The following MAGI2 variants were observed in gnomAD, a reference collection of about 807,000 sequenced individuals.
MAGI2 encodes the protein membrane-associated guanylate kinase, WW and PDZ domain-containing protein 2.
Under a neutral mutation model 133.3 loss-of-function variants are expected in MAGI2, and 35 were observed. That is an observed-to-expected ratio of 0.26 (90% CI 0.20 to 0.35). The LOEUF is 0.35. Ranked by LOEUF, MAGI2 falls within the 10% of genes least tolerant of loss-of-function variation. MAGI2 has a pLI of 1.00. For missense variants in MAGI2, 1,636 were observed against 1,863.4 expected, an observed-to-expected ratio of 0.88 and a Z score of 2.25; for synonymous variants, 729 against 710.6, an observed-to-expected ratio of 1.03 and a Z score of -0.41.
At position 79,205,846 on chromosome 7, in the gene MAGI2, A is replaced by C. The variant is rs138813514; in HGVS notation, c.302-198640T>G. 3.6e-4 allele frequency among the ~76,000 whole-genome samples: 54 copies of C among 151,848 alleles called. 1 individual carries two copies. The East Asian group carries it at 9.7e-3, about 27-fold the overall frequency. On this transcript the variant is annotated intron_variant, in intron 1 of 21. Transcript: ENST00000354212. ...ACTATAAGATGATTTTGTAAGCTTC[A>C]TAATAACCACAACACCAAAACCTAG...
chr7:78,972,476 A>G (rs1353894170), intron 2 of MAGI2, among the ~76,000 whole-genome samples: 2 of 151,910 alleles, frequency 1.3e-5, no homozygotes, highest in Admixed American at 6.6e-5. Flanking sequence ...AAACTAAAAC[A>G]TTAGATTTTG....
rs560535366 is a variant in MAGI2, at chr7:78,471,266, A to G, written c.1045+18495T>C. On this transcript the variant is annotated intron_variant, in intron 6 of 21. Transcript: ENST00000354212. The stretch of plus-strand genomic sequence containing the variant: ...AAAGTGGAGTGAGACATGAGAAGAA[A>G]AGTCTGATGTGAATGGAGCTATATT... Among the ~76,000 whole-genome samples the G allele has an allele frequency of 1.6e-4, 24 of 152,246 alleles. No individual in the cohort carries two copies. The South Asian group carries it at 4.8e-3, about 30-fold the overall frequency.
At chr7:78,448,060 T>C (rs1272460240) in intron 6 of MAGI2, among the ~76,000 whole-genome samples, 1 of 152,140 alleles carries the variant, frequency 6.6e-6, no homozygotes, top group Non-Finnish European at 1.5e-5. Context: ...TTTAACATAA[T>C]GCCCTCCAGT....
In MAGI2 at chr7:78,557,080, C is replaced by CAAAAAAAAAAAAAAAAAAAAAAAAAAAAA. The variant is rs796371005; in HGVS notation, c.539-35436_539-35435insTTTTTTTTTTTTTTTTTTTTTTTTTTTTT. On this transcript the variant is annotated intron_variant, in intron 3 of 21. Transcript: ENST00000354212. ...TACTCCAGCCTGGGTGGCAGAGTCTCAAAAAAAAAAAAAAAAAAAAGAAAA... is the reference window on the plus strand; with the variant it reads ...TACTCCAGCCTGGGTGGCAGAGTCTCAAAAAAAAAAAAAAAAAAAAAAAAAAAAAAAAAAAAAAAAAAAAAAAAAGAAAA... Among the ~76,000 whole-genome samples the CAAAAAAAAAAAAAAAAAAAAAAAAAAAAA allele has an allele frequency of 8.8e-4, 36 of 40,888 alleles. 1 individual carries two copies. Among genetic ancestry groups the CAAAAAAAAAAAAAAAAAAAAAAAAAAAAA allele is most frequent in the Non-Finnish European group, 1.3e-3 (29 of 22,898 alleles). The allele number at this position is 40,888 out of a possible 152,430, so 26.8% of individuals were successfully genotyped here.
chr7:78,195,174 G>T, intron 11 of MAGI2, 111 bp from the exon 12 acceptor site: 1 of 789,716 alleles, frequency 1.3e-6, no homozygotes, highest in Non-Finnish European at 1.9e-6. Flanking sequence ...TCCAGGGGAT[G>T]GGTAAAACTT....
chr7:78,819,832 T>G (rs536775049), intron 2 of MAGI2, among the ~76,000 whole-genome samples: 7 of 152,152 alleles, frequency 4.6e-5, no homozygotes, highest in Admixed American at 3.9e-4. Context: ...ACAAAAAAAT[T>G]TAATAGGCTT....
chr7:78,134,999 C>T (rs373411482), intron 17 of MAGI2, 22 bp downstream of exon 17: 1 of 1,608,414 alleles, frequency 6.2e-7, no homozygotes, highest in Non-Finnish European at 8.5e-7. Flanking sequence ...CGCCTCTCTG[C>T]AAGGCTGCCT....
intron 3 of MAGI2, among the ~76,000 whole-genome samples, chr7:78,602,832 G>A (rs1805355842): frequency 1.3e-5 from 2 of 152,112 alleles, no homozygotes; most frequent in Admixed American, 1.3e-4. Flanking sequence ...AAATAGGCCA[G>A]AAACCATTTT....
At chr7:79,014,196 TA>T (rs1473297615) in intron 1 of MAGI2, among the ~76,000 whole-genome samples, 1 of 152,222 alleles carries the variant, frequency 6.6e-6, no homozygotes, top group East Asian at 1.9e-4. Flanking sequence ...ATAGCTTTTT[TA>T]TTATTTCCTT....
intron 2 of MAGI2, among the ~76,000 whole-genome samples, chr7:78,881,337 A>G (rs529168557): frequency 1.3e-5 from 2 of 151,610 alleles, no homozygotes; most frequent in South Asian, 2.1e-4. Flanking sequence ...GCAAGTCTCA[A>G]TAAATTTTAA....
chr7:79,152,742 G>A (rs767644271), intron 1 of MAGI2, among the ~76,000 whole-genome samples: 16 of 152,148 alleles, frequency 1.1e-4, no homozygotes, highest in Non-Finnish European at 1.9e-4. Context: ...ACAGGTTGGG[G>A]ATTTAGAGGT....
intron 5 of MAGI2, among the ~76,000 whole-genome samples, chr7:78,494,931 A>G (rs1793949483): frequency 6.6e-6 from 1 of 152,190 alleles, no homozygotes; most frequent in Admixed American, 6.5e-5. Flanking sequence ...GAATAACAAG[A>G]GATTAAAGCC....
chr7:78,778,788 A>G (rs1291787190), intron 2 of MAGI2, among the ~76,000 whole-genome samples: 1 of 152,210 alleles, frequency 6.6e-6, no homozygotes, highest in Non-Finnish European at 1.5e-5. Context: ...TGTAAAATAG[A>G]AAATACAATA....
chr7:79,077,969 G>A (rs1815686981), intron 1 of MAGI2, among the ~76,000 whole-genome samples: 2 of 152,088 alleles, frequency 1.3e-5, no homozygotes, highest in African/African-American at 2.4e-5. Flanking sequence ...GGGACAAAAT[G>A]TAGTATCAAT....
At chr7:78,667,888 T>C (rs1813822881) in intron 2 of MAGI2, among the ~76,000 whole-genome samples, 1 of 152,188 alleles carries the variant, frequency 6.6e-6, no homozygotes, top group Non-Finnish European at 1.5e-5. Flanking sequence ...TGATTTATAC[T>C]CCTTTGGGTA....
chr7:78,416,746 T>C (rs200136597), intron 6 of MAGI2, among the ~76,000 whole-genome samples: 4 of 152,154 alleles, frequency 2.6e-5, no homozygotes, highest in Admixed American at 6.6e-5. Context: ...ACATGTGTTA[T>C]AAAAGAGGCT....
At chr7:78,175,994 C>G (rs1032148858) in intron 14 of MAGI2, among the ~76,000 whole-genome samples, 2 of 152,058 alleles carry the variant, frequency 1.3e-5, no homozygotes, top group Non-Finnish European at 2.9e-5. Context: ...TATGAAGGGA[C>G]TTGAGAATGT....
At chr7:78,851,275 C>A (rs573685794) in intron 2 of MAGI2, among the ~76,000 whole-genome samples, 1 of 152,048 alleles carries the variant, frequency 6.6e-6, no homozygotes, top group East Asian at 1.9e-4. Context: ...ATATCTTAAC[C>A]ACAAACAACA....
intron 3 of MAGI2, among the ~76,000 whole-genome samples, chr7:78,532,004 C>T (rs1364105349): frequency 6.6e-6 from 1 of 152,158 alleles, no homozygotes; most frequent in Non-Finnish European, 1.5e-5. Context: ...AATATGACTG[C>T]TAGATTTTCC....
Sources: gnomAD v4.1 joint callset for allele counts (sites outside exome capture counted in the v4.1 genomes callset) on GRCh38, gnomAD v4.1.1 for gene constraint, MANE v1.5 for transcripts, NCBI Gene and HGNC (gene_info 2026-07-23, HGNC 2026-07-21) for gene names.